The following IL17RD variants were observed in gnomAD, a reference collection of about 807,000 sequenced individuals.
The protein encoded by IL17RD is interleukin 17 receptor D, also known as interleukin-17 receptor D.
Under a neutral mutation model 80.5 loss-of-function variants are expected in IL17RD, and 52 were observed. The observed-to-expected ratio is 0.65, with a 90% CI of 0.52 to 0.81. The LOEUF (loss-of-function observed/expected upper bound fraction) is 0.81, where lower values mean the gene tolerates loss of function less well. Among genes scored for constraint, IL17RD ranks in the 40% least tolerant of loss-of-function variants. The pLI, the probability that IL17RD is intolerant of heterozygous loss-of-function variation, is 0.00. For synonymous variants in IL17RD, 416 were observed against 391.8 expected, an observed-to-expected ratio of 1.06 and a Z score of -0.73; for missense variants, 1,024 against 955.1, an observed-to-expected ratio of 1.07 and a Z score of -0.95.
upstream of IL17RD, among the ~76,000 whole-genome samples, chr3:57,167,371 G>A (rs2060352991): frequency 6.6e-6 from 1 of 152,102 alleles, no homozygotes; most frequent in South Asian, 2.1e-4. Context: ...GGAGCTGCTG[G>A]TTCAGTGCCT....
chr3:57,091,473 C>T lies in IL17RD; in HGVS notation c.*4920G>A, dbSNP rs1441048181. 3 of 152,570 alleles carry T rather than the reference C, an allele frequency of 2.0e-5. No homozygotes were observed. The highest frequency in any genetic ancestry group is 6.5e-5 in the Admixed American group (1 of 15,274). 9.5% of individuals were successfully genotyped at this position (152,570 alleles called of 1,614,324 possible). A position where few individuals can be genotyped will look rare whatever the true frequency, so the allele number is the denominator to read the frequency against. On this transcript the variant is annotated 3_prime_UTR_variant, in exon 13 of 13. Coordinates refer to ENST00000296318, the MANE Select transcript of IL17RD (RefSeq NM_017563.5). ...TCCCCATAATCCCCATCCTGAGCCT[C>T]GTCTTCACAAGGCACCAATGTGAGT...
intron 1 of IL17RD, among the ~76,000 whole-genome samples, chr3:57,124,820 CG>C (rs1707415511): frequency 6.6e-6 from 1 of 152,192 alleles, no homozygotes; most frequent in Admixed American, 6.5e-5. Flanking sequence ...GTCACACACA[CG>C]GCACGTGCTG....
chr3:57,124,831 G>T (rs1449129672), intron 1 of IL17RD, among the ~76,000 whole-genome samples: 1 of 152,156 alleles, frequency 6.6e-6, no homozygotes, highest in Non-Finnish European at 1.5e-5. Context: ...GGCACGTGCT[G>T]TCATTCCTCC....
upstream of IL17RD, among the ~76,000 whole-genome samples, chr3:57,165,652 GTAA>G (rs1165513380): frequency 3.9e-5 from 6 of 151,974 alleles, no homozygotes; most frequent in Non-Finnish European, 8.8e-5. Flanking sequence ...CACAAAGAAT[GTAA>G]TAATAATAAT....
intron 1 of IL17RD, among the ~76,000 whole-genome samples, chr3:57,136,957 G>A (rs1264258865): frequency 6.6e-6 from 1 of 152,204 alleles, no homozygotes; most frequent in East Asian, 1.9e-4. Context: ...TGAGCTCTAT[G>A]TGTAATAAGA....
At chr3:57,130,759 AT>A (rs1707589563) in intron 1 of IL17RD, among the ~76,000 whole-genome samples, 1 of 152,168 alleles carries the variant, frequency 6.6e-6, no homozygotes, top group Non-Finnish European at 1.5e-5. Context: ...GTCCTGAAAC[AT>A]CCCCCTGAGA....
intron 1 of IL17RD, among the ~76,000 whole-genome samples, chr3:57,153,873 T>C (rs1387299339): frequency 1.3e-5 from 2 of 152,108 alleles, no homozygotes; most frequent in Admixed American, 1.3e-4. Context: ...CTGTATTTTG[T>C]ACAGGTGACT....
chr3:57,142,432 T>G, intron 1 of IL17RD: 1 of 1,015,966 alleles, frequency 9.8e-7, no homozygotes, highest in Non-Finnish European at 1.4e-6. Context: ...CTTATTGGTT[T>G]TTCTTGGCTC....
intron 2 of IL17RD, among the ~76,000 whole-genome samples, chr3:57,117,025 T>C (rs1412765091): frequency 6.6e-6 from 1 of 152,164 alleles, no homozygotes; most frequent in African/African-American, 2.4e-5. Context: ...TGGTTGTTGT[T>C]GTCATTGTTT....
At chr3:57,111,708 C>G (rs1398813017) in intron 3 of IL17RD, among the ~76,000 whole-genome samples, 2 of 152,000 alleles carry the variant, frequency 1.3e-5, no homozygotes, top group African/African-American at 4.8e-5. Context: ...CGGTGACTCA[C>G]GCCTGTAATC....
intron 1 of IL17RD, chr3:57,142,525 C>T: frequency 7.8e-7 from 1 of 1,286,606 alleles, no homozygotes; most frequent in Middle Eastern, 2.2e-4. Context: ...CTCCAACCGC[C>T]CCGTCTGACC....
intron 1 of IL17RD, among the ~76,000 whole-genome samples, chr3:57,136,550 A>T (rs1707731077): frequency 6.8e-6 from 1 of 146,506 alleles, no homozygotes; most frequent in Admixed American, 7.0e-5. Context: ...TGAGCCCAGG[A>T]GGTTGAGGAT....
At chr3:57,126,730 T>A (rs1013014227) in intron 1 of IL17RD, among the ~76,000 whole-genome samples, 2 of 152,216 alleles carry the variant, frequency 1.3e-5, no homozygotes, top group Admixed American at 6.5e-5. Context: ...CAGGCCAAAC[T>A]TTCAAATCAA....
chr3:57,135,254 T>A (rs920145260), intron 1 of IL17RD, among the ~76,000 whole-genome samples: 3 of 151,910 alleles, frequency 2.0e-5, no homozygotes, highest in Non-Finnish European at 4.4e-5. Flanking sequence ...ACTGAGGAGG[T>A]GAAGCCCCAA....
At chr3:57,122,698 G>C (rs2107501451) in intron 1 of IL17RD, among the ~76,000 whole-genome samples, 1 of 147,846 alleles carries the variant, frequency 6.8e-6, no homozygotes, top group South Asian at 2.2e-4. Context: ...AAAGGTTGGG[G>C]ACCGCTGCTC....
rs1706603026 is a variant in IL17RD, at chr3:57,093,462, AG to A, written c.*2930del. The stretch of plus-strand genomic sequence containing the variant: ...CCTCTTGCCCCTTATTTCTTTTAAA[AG>A]AAAAGATGCTCAACTCTGAAAAAAA... On this transcript the variant is annotated 3_prime_UTR_variant, in exon 13 of 13. Transcript: ENST00000296318. 1 of 152,184 alleles carries A rather than the reference AG, an allele frequency of 6.6e-6. No homozygotes were observed. Among genetic ancestry groups the A allele is most frequent in the African/African-American group, 2.4e-5 (1 of 41,444 alleles). 9.4% of individuals were successfully genotyped at this position (152,184 alleles called of 1,614,324 possible).
At chr3:57,105,754 G>A (rs1271633895) in intron 7 of IL17RD, 103 bp downstream of exon 7, 3 of 908,012 alleles carry the variant, frequency 3.3e-6, no homozygotes, top group East Asian at 2.6e-5. Flanking sequence ...CAACCACTGA[G>A]AGCCAACAAA....
At chr3:57,144,916 A>C (rs1707895960) in intron 1 of IL17RD, among the ~76,000 whole-genome samples, 1 of 151,352 alleles carries the variant, frequency 6.6e-6, no homozygotes, top group Non-Finnish European at 1.5e-5. Flanking sequence ...AGGAAGGTGT[A>C]GGTGTGTGTG....
rs149203802 is a variant in IL17RD at position 57,161,982 on chromosome 3, A to C, written c.126+3179T>G. Among the ~76,000 whole-genome samples, 62 of 152,324 alleles carry C rather than the reference A, an allele frequency of 4.1e-4. 1 individual carries two copies. The East Asian group carries it at 0.01, about 26-fold the overall frequency. The stretch of plus-strand genomic sequence containing the variant: ...GGAAGTGTGCCCACAACTCATTTCT[A>C]AAACACTGACCTGTGTTCAAGATGG... On this transcript the variant is annotated intron_variant, in intron 1 of 12. Transcript: ENST00000296318.
Sources: allele counts gnomAD v4.1 joint callset (sites outside exome capture counted in the v4.1 genomes callset), GRCh38; gene constraint gnomAD v4.1.1; transcripts MANE v1.5; gene names NCBI Gene and HGNC (gene_info 2026-07-23, HGNC 2026-07-21).